ZNF143: variants seen among roughly 807,000 people sequenced by gnomAD.
ZNF143 encodes zinc finger protein 143.
Under a neutral mutation model 74.1 loss-of-function variants are expected in ZNF143, and 49 were observed. That is an observed-to-expected ratio of 0.66 (90% CI 0.53 to 0.84). The LOEUF (loss-of-function observed/expected upper bound fraction) is 0.84. ZNF143 is among the 40% of genes least tolerant of loss of function. The probability of loss-of-function intolerance (pLI) is 0.00; values close to 1 mark genes in which losing one functional copy is unlikely to be tolerated. For missense variants in ZNF143, 637 were observed against 793.4 expected, an observed-to-expected ratio of 0.80 and a Z score of 2.37; for synonymous variants, 304 against 282.8, an observed-to-expected ratio of 1.07 and a Z score of -0.75.
At chr11:9,471,551 G>GTTTT in intron 2 of ZNF143, 131 bp downstream of exon 2, 7 of 499,362 alleles carry the variant, frequency 1.4e-5, no homozygotes, top group Non-Finnish European at 1.6e-5. Context: ...AGGTGTTTTG[G>GTTTT]TGTTTTTTTT....
intron 10 of ZNF143, among the ~76,000 whole-genome samples, chr11:9,498,324 T>G (rs1848042347): frequency 6.6e-6 from 1 of 152,214 alleles, no homozygotes; most frequent in Non-Finnish European, 1.5e-5. Context: ...CAGAAAAGAT[T>G]AACAGTGGCC....
At position 9,528,376 on chromosome 11, in the gene ZNF143, C is replaced by T. The variant is rs1319368753; in HGVS notation, c.*763C>T. 2 of 152,104 alleles carry T rather than the reference C, an allele frequency of 1.3e-5. No homozygotes were observed. Among genetic ancestry groups the T allele is most frequent in the Admixed American group, 6.5e-5 (1 of 15,270 alleles). The allele number at this position is 152,104 out of a possible 1,614,324, so 9.4% of individuals were successfully genotyped here. ...AACCACAGGCTGGTGCCCGGGATAACAGTACTGTAATTGGAAATGGCTTTA... is the reference window on the plus strand; with the variant it reads ...AACCACAGGCTGGTGCCCGGGATAATAGTACTGTAATTGGAAATGGCTTTA... On this transcript the variant is annotated 3_prime_UTR_variant, in exon 16 of 16. Transcript: ENST00000396602.
chr11:9,502,755 C>T (rs1015725829), intron 11 of ZNF143, among the ~76,000 whole-genome samples: 2 of 152,096 alleles, frequency 1.3e-5, no homozygotes, highest in Non-Finnish European at 2.9e-5. Flanking sequence ...CCCCGCCCCC[C>T]AGGTGTAAGC....
chr11:9,515,620 C>G (rs1848694877), intron 13 of ZNF143, among the ~76,000 whole-genome samples: 1 of 148,636 alleles, frequency 6.7e-6, no homozygotes, highest in Non-Finnish European at 1.5e-5. Flanking sequence ...CGCCACTGCA[C>G]TCCAGCCTGG....
At chr11:9,518,813 C>T (rs1187791462) in intron 14 of ZNF143, among the ~76,000 whole-genome samples, 1 of 151,864 alleles carries the variant, frequency 6.6e-6, no homozygotes, top group East Asian at 1.9e-4. Context: ...TACATATTGC[C>T]AAATTATTTT....
At chr11:9,498,169 A>G (rs1316848854) in intron 10 of ZNF143, among the ~76,000 whole-genome samples, 1 of 152,220 alleles carries the variant, frequency 6.6e-6, no homozygotes, top group Non-Finnish European at 1.5e-5. Flanking sequence ...TTGAGGAATG[A>G]GTTTCTGGAA....
chr11:9,465,543 A>G (rs936466361), intron 1 of ZNF143, among the ~76,000 whole-genome samples: 1 of 151,710 alleles, frequency 6.6e-6, no homozygotes, highest in Non-Finnish European at 1.5e-5. Flanking sequence ...TCTGTCGCCC[A>G]GGCTGGAGTG....
chr11:9,516,479 G>A, intron 14 of ZNF143, 117 bp downstream of exon 14: 1 of 996,450 alleles, frequency 1.0e-6, no homozygotes, highest in Non-Finnish European at 1.4e-6. Flanking sequence ...CTAATATTTT[G>A]TAACTTCTTA....
At chr11:9,512,233 A>T (rs1209539520) in intron 12 of ZNF143, among the ~76,000 whole-genome samples, 1 of 152,242 alleles carries the variant, frequency 6.6e-6, no homozygotes, top group Admixed American at 6.5e-5. Flanking sequence ...AATTTGATGC[A>T]GAAAGATTTT....
intron 8 of ZNF143, among the ~76,000 whole-genome samples, chr11:9,495,349 G>A (rs190589181): frequency 7.2e-4 from 109 of 152,312 alleles, no homozygotes; most frequent in Middle Eastern, 3.4e-3. Flanking sequence ...GCTGAGACAG[G>A]AGAATTGCTT....
intron 1 of ZNF143, among the ~76,000 whole-genome samples, chr11:9,465,526 G>A (rs1856146495): frequency 6.6e-6 from 1 of 151,420 alleles, no homozygotes; most frequent in African/African-American, 2.4e-5. Flanking sequence ...CTGAAATGGA[G>A]TCTCACTCTG....
intron 7 of ZNF143, among the ~76,000 whole-genome samples, chr11:9,486,356 A>AT (rs1213371400): frequency 6.0e-4 from 32 of 52,956 alleles, no homozygotes; most frequent in African/African-American, 2.4e-3. Context: ...TATATATTAT[A>AT]TATATATTAT....
chr11:9,527,832 A>G lies in ZNF143; in HGVS notation c.*219A>G, dbSNP rs1440044388. The G allele has an allele frequency of 2.2e-6, 1 of 448,520 alleles. No individual in the cohort carries two copies. Among genetic ancestry groups the G allele is most frequent in the Non-Finnish European group, 4.0e-6 (1 of 251,586 alleles). The allele number at this position is 448,520 out of a possible 1,614,324, so 27.8% of individuals were successfully genotyped here. A position where few individuals can be genotyped will look rare whatever the true frequency, so the allele number is the denominator to read the frequency against. The stretch of plus-strand genomic sequence containing the variant: ...ATTCATTGTGTACAAGGAAGTATGA[A>G]ATTAGGGCAATACAGTAAATTTTCA... On this transcript the variant is annotated 3_prime_UTR_variant, in exon 16 of 16. Transcript: ENST00000396602.
At chr11:9,505,878 CAAAAAAAA>C (rs1177848404) in intron 11 of ZNF143, among the ~76,000 whole-genome samples, 1 of 66,864 alleles carries the variant, frequency 1.5e-5, no homozygotes, top group African/African-American at 4.6e-5. Context: ...GACTCCATAT[CAAAAAAAA>C]AAAAAAAAAA....
chr11:9,472,587 A>T, intron 2 of ZNF143, 90 bp from the exon 3 acceptor site: 1 of 1,138,666 alleles, frequency 8.8e-7, no homozygotes, highest in Non-Finnish European at 1.3e-6. Context: ...TAAGCAGTTT[A>T]CCTTTTTTCT....
At chr11:9,494,925 G>T (rs1222834851) in intron 8 of ZNF143, among the ~76,000 whole-genome samples, 160 bp downstream of exon 8, 1 of 152,154 alleles carries the variant, frequency 6.6e-6, no homozygotes. Flanking sequence ...AACCTATGCG[G>T]ACTTTAGAGA....
At chr11:9,486,331 G>A (rs1287000882) in intron 7 of ZNF143, among the ~76,000 whole-genome samples, 4 of 79,584 alleles carry the variant, frequency 5.0e-5, no homozygotes, top group Non-Finnish European at 7.1e-5. Context: ...GGTCCTAGGC[G>A]CTAATTATAT....
intron 10 of ZNF143, among the ~76,000 whole-genome samples, chr11:9,500,229 G>A (rs1848109743): frequency 2.6e-5 from 4 of 152,002 alleles, no homozygotes; most frequent in Admixed American, 6.6e-5. Context: ...TTACAGGCAT[G>A]TGCTGCTGTG....
At chr11:9,497,319 T>G (rs1037326145) in intron 9 of ZNF143, among the ~76,000 whole-genome samples, 17 of 152,116 alleles carry the variant, frequency 1.1e-4, no homozygotes, top group African/African-American at 3.4e-4. Context: ...CAACCTCTGC[T>G]TCAGGGTTCA....
Sources: allele counts gnomAD v4.1 joint callset (sites outside exome capture counted in the v4.1 genomes callset), GRCh38; gene constraint gnomAD v4.1.1; transcripts MANE v1.5; gene names NCBI Gene and HGNC (gene_info 2026-07-23, HGNC 2026-07-21).